Variants in LUZP2 observed in about 807,000 individuals in gnomAD.
LUZP2 encodes leucine zipper protein 2.
A neutral mutation model predicts 51.6 loss-of-function variants in LUZP2; 52 were observed. That is an observed-to-expected ratio of 1.01 (90% CI 0.81 to 1.27). The LOEUF (loss-of-function observed/expected upper bound fraction) is 1.27, where lower values mean the gene tolerates loss of function less well. LUZP2 is among the 50% of genes most tolerant of loss of function. The probability of loss-of-function intolerance (pLI) is 0.00; values close to 1 mark genes in which losing one functional copy is unlikely to be tolerated. For missense variants in LUZP2, 436 were observed against 395.4 expected, an observed-to-expected ratio of 1.10 and a Z score of -0.87; for synonymous variants, 154 against 137.3, an observed-to-expected ratio of 1.12 and a Z score of -0.85.
rs57668112 is a variant in LUZP2, at chr11:25,040,343, A to ATTTTTTTTTTTTTTTTTTT, written c.766-9693_766-9675dup. 2.1e-3 allele frequency among the ~76,000 whole-genome samples: 211 copies of ATTTTTTTTTTTTTTTTTTT among 98,806 alleles called. 58 individuals carry two copies. The highest frequency in any genetic ancestry group is 0.012 in the African/African-American group (198 of 17,190). 64.8% of individuals were successfully genotyped at this position (98,806 alleles called of 152,430 possible). A position where few individuals can be genotyped will look rare whatever the true frequency, so the allele number is the denominator to read the frequency against. ...AGAGAGCCACTTTTCTTTCTTTCCG[A>ATTTTTTTTTTTTTTTTTTT]TTTTTTTTTTTTTTTTTTTTGCCAA... On this transcript the variant is annotated intron_variant, in intron 9 of 11. Transcript: ENST00000336930.
intron 1 of LUZP2, among the ~76,000 whole-genome samples, chr11:24,580,500 C>T (rs536074881): frequency 1.8e-4 from 28 of 152,154 alleles, no homozygotes; most frequent in African/African-American, 5.5e-4. Flanking sequence ...TAGCGTCAAC[C>T]TAAATCTTCT....
chr11:24,626,974 C>G (rs977331688), intron 1 of LUZP2, among the ~76,000 whole-genome samples: 1 of 151,956 alleles, frequency 6.6e-6, no homozygotes, highest in Non-Finnish European at 1.5e-5. Context: ...TCTGCCAACT[C>G]TAATCGACAG....
intron 1 of LUZP2, among the ~76,000 whole-genome samples, chr11:24,706,499 G>T (rs904933084): frequency 6.6e-6 from 1 of 152,038 alleles, no homozygotes. Context: ...ACCAAATTCT[G>T]CATTCTGCCC....
intron 5 of LUZP2, among the ~76,000 whole-genome samples, chr11:24,810,312 C>T (rs1015398150): frequency 6.6e-6 from 1 of 151,996 alleles, no homozygotes; most frequent in Non-Finnish European, 1.5e-5. Flanking sequence ...TAAGTTGAGC[C>T]ATAGAATATT....
intron 4 of LUZP2, among the ~76,000 whole-genome samples, chr11:24,739,664 T>A (rs1859064227): frequency 6.6e-6 from 1 of 152,130 alleles, no homozygotes; most frequent in Non-Finnish European, 1.5e-5. Context: ...TCAGCCTGCC[T>A]TTCTTTTACA....
intron 9 of LUZP2, among the ~76,000 whole-genome samples, chr11:24,993,699 C>A (rs1856416990): frequency 6.6e-6 from 1 of 152,088 alleles, no homozygotes; most frequent in African/African-American, 2.4e-5. Flanking sequence ...AATACTACAT[C>A]CTTTTCAAAT....
At chr11:24,522,832 A>G (rs1280073930) in intron 1 of LUZP2, among the ~76,000 whole-genome samples, 1 of 152,114 alleles carries the variant, frequency 6.6e-6, no homozygotes, top group Admixed American at 6.6e-5. Flanking sequence ...ATATTCTATA[A>G]TTACGATTTG....
Position 24,695,818 on chromosome 11 carries a change from G to A in LUZP2, c.63-33351G>A, listed in dbSNP as rs573952175. On this transcript the variant is annotated intron_variant, in intron 1 of 11. Coordinates refer to ENST00000336930, the MANE Select transcript of LUZP2 (RefSeq NM_001009909.4). ...AAGATGAGTGATTTTGACAGGTTCA[G>A]AGGAGAGCCAAATTTCTTTGGGATG... Among the ~76,000 whole-genome samples, 51 of 152,022 alleles carry A rather than the reference G, an allele frequency of 3.4e-4. 1 individual carries two copies. The highest frequency in any genetic ancestry group is 6.5e-4 in the Non-Finnish European group (44 of 67,958).
intron 1 of LUZP2, among the ~76,000 whole-genome samples, chr11:24,672,951 C>A (rs959875870): frequency 1.8e-4 from 28 of 152,294 alleles, no homozygotes; most frequent in African/African-American, 6.7e-4. Context: ...TCAGCCGTGG[C>A]ATTAGATACT....
intron 5 of LUZP2, among the ~76,000 whole-genome samples, chr11:24,901,821 C>G (rs1478363909): frequency 6.6e-6 from 1 of 152,160 alleles, no homozygotes; most frequent in Non-Finnish European, 1.5e-5. Flanking sequence ...AAATCCCCAG[C>G]TGTCTTTGCT....
intron 8 of LUZP2, 30 bp from the exon 9 acceptor site, chr11:24,983,096 G>A: frequency 1.2e-6 from 2 of 1,607,240 alleles, no homozygotes; most frequent in Non-Finnish European, 1.7e-6. Context: ...ATAGCTAAAT[G>A]TAAATATGTT....
chr11:24,690,126 A>G (rs1418011784), intron 1 of LUZP2, among the ~76,000 whole-genome samples: 2 of 152,098 alleles, frequency 1.3e-5, no homozygotes, highest in Non-Finnish European at 2.9e-5. Context: ...TATAGTAACT[A>G]TGTTAAATTT....
chr11:24,748,668 G>A (rs985229265), intron 4 of LUZP2, among the ~76,000 whole-genome samples: 7 of 152,050 alleles, frequency 4.6e-5, no homozygotes, highest in East Asian at 3.9e-4. Context: ...CATGTTGGCC[G>A]GGATGGTCTT....
chr11:24,677,873 T>TAAAA (rs369886840), intron 1 of LUZP2, among the ~76,000 whole-genome samples: 1 of 151,864 alleles, frequency 6.6e-6, no homozygotes, highest in African/African-American at 2.4e-5. Flanking sequence ...CCGTCTCTAC[T>TAAAA]AAAAATACAA....
At chr11:24,976,477 T>C (rs1590795511) in intron 7 of LUZP2, 114 bp from the exon 8 acceptor site, 2 of 53,742 alleles carry the variant, frequency 3.7e-5, no homozygotes, top group Admixed American at 5.9e-4. Flanking sequence ...GGACACTGTT[T>C]TTTTTTTTTT....
intron 1 of LUZP2, among the ~76,000 whole-genome samples, chr11:24,637,600 C>T (rs531416686): frequency 6.6e-6 from 1 of 151,760 alleles, no homozygotes; most frequent in African/African-American, 2.4e-5. Flanking sequence ...GAATGCATTC[C>T]TGGGGGGCGG....
intron 5 of LUZP2, among the ~76,000 whole-genome samples, chr11:24,798,885 G>A (rs1279155922): frequency 1.3e-5 from 2 of 152,114 alleles, no homozygotes; most frequent in Non-Finnish European, 2.9e-5. Context: ...AGTGCCACCA[G>A]TGCAAGGAGT....
chr11:24,615,836 T>C (rs947182404), intron 1 of LUZP2, among the ~76,000 whole-genome samples: 1 of 150,410 alleles, frequency 6.6e-6, no homozygotes, highest in Non-Finnish European at 1.5e-5. Context: ...ATATATATAT[T>C]ATATATATAA....
At chr11:25,058,321 A>G (rs1858744409) in intron 10 of LUZP2, among the ~76,000 whole-genome samples, 1 of 152,154 alleles carries the variant, frequency 6.6e-6, no homozygotes, top group Non-Finnish European at 1.5e-5. Flanking sequence ...AATTTGATTT[A>G]TTTCCATAAA....
Sources: gnomAD v4.1 joint callset for allele counts (sites outside exome capture counted in the v4.1 genomes callset) on GRCh38, gnomAD v4.1.1 for gene constraint, MANE v1.5 for transcripts, NCBI Gene and HGNC (gene_info 2026-07-23, HGNC 2026-07-21) for gene names.